The following NEGR1 variants were observed in gnomAD, a reference collection of about 807,000 sequenced individuals.
The protein encoded by NEGR1 is neuronal growth regulator 1.
NEGR1 carries 10 observed loss-of-function variants against 40.9 expected under a neutral mutation model. The observed-to-expected ratio is 0.24, with a 90% CI of 0.15 to 0.42. The LOEUF is 0.42. Ranked by LOEUF, NEGR1 falls within the 10% of genes least tolerant of loss-of-function variation. The pLI is 1.00. For missense variants in NEGR1, 352 were observed against 438.9 expected, an observed-to-expected ratio of 0.80 and a Z score of 1.77; for synonymous variants, 185 against 166.8, an observed-to-expected ratio of 1.11 and a Z score of -0.84.
chr1:71,425,562 G>C (rs975585137), intron 6 of NEGR1, among the ~76,000 whole-genome samples: 4 of 152,046 alleles, frequency 2.6e-5, no homozygotes, highest in Admixed American at 1.3e-4. Flanking sequence ...GCTGAGCCCT[G>C]AATGAGATAA....
At chr1:71,473,947 G>T (rs1646801248) in intron 6 of NEGR1, among the ~76,000 whole-genome samples, 1 of 151,964 alleles carries the variant, frequency 6.6e-6, no homozygotes, top group Non-Finnish European at 1.5e-5. Context: ...GCTGGAAATA[G>T]ATGTCTTGCC....
chr1:71,781,520 T>A (rs1432856423), intron 2 of NEGR1, among the ~76,000 whole-genome samples: 1 of 152,166 alleles, frequency 6.6e-6, no homozygotes, highest in Non-Finnish European at 1.5e-5. Flanking sequence ...CCACAGTGCA[T>A]ACAAATCCAT....
At chr1:71,424,685 T>C (rs575897931) in intron 6 of NEGR1, among the ~76,000 whole-genome samples, 1 of 152,310 alleles carries the variant, frequency 6.6e-6, no homozygotes, top group South Asian at 2.1e-4. Flanking sequence ...TTGCTGTTGC[T>C]GGCTTCAAAA....
intron 1 of NEGR1, among the ~76,000 whole-genome samples, chr1:72,021,304 C>A (rs545611578): frequency 2.0e-5 from 3 of 152,086 alleles, no homozygotes; most frequent in South Asian, 4.1e-4. Flanking sequence ...AAATTATAAT[C>A]ATATTATATC....
chr1:71,882,376 T>G (rs1660605260), intron 2 of NEGR1, among the ~76,000 whole-genome samples: 1 of 152,106 alleles, frequency 6.6e-6, no homozygotes, highest in Non-Finnish European at 1.5e-5. Context: ...TTATAGCATC[T>G]TAGGGAGTTA....
intron 6 of NEGR1, among the ~76,000 whole-genome samples, chr1:71,465,672 C>G (rs1390268475): frequency 6.6e-6 from 1 of 151,948 alleles, no homozygotes; most frequent in Admixed American, 6.6e-5. Flanking sequence ...AGCTTTCTTA[C>G]TGGAGTGATG....
chr1:71,935,648 T>C (rs2100231958), intron 1 of NEGR1, among the ~76,000 whole-genome samples: 1 of 152,258 alleles, frequency 6.6e-6, no homozygotes, highest in Admixed American at 6.5e-5. Context: ...TTACACAATT[T>C]TCTGCATTAA....
chr1:71,532,447 T>C (rs1344567801), intron 6 of NEGR1, among the ~76,000 whole-genome samples: 1 of 151,578 alleles, frequency 6.6e-6, no homozygotes, highest in African/African-American at 2.4e-5. Context: ...CCCTAGCTAT[T>C]GTTCCCTTTA....
chr1:71,849,214 A>G (rs553949427), intron 2 of NEGR1, among the ~76,000 whole-genome samples: 1 of 152,342 alleles, frequency 6.6e-6, no homozygotes, highest in Admixed American at 6.5e-5. Context: ...TTTAGATGTC[A>G]TTAAGGGCAT....
At chr1:71,899,685 C>A (rs954940993) in intron 2 of NEGR1, among the ~76,000 whole-genome samples, 1 of 152,070 alleles carries the variant, frequency 6.6e-6, no homozygotes, top group African/African-American at 2.4e-5. Flanking sequence ...ATTACATTTG[C>A]AATTTCTTTA....
chr1:72,118,037 C>T (rs559324581), intron 1 of NEGR1, among the ~76,000 whole-genome samples: 1 of 151,948 alleles, frequency 6.6e-6, no homozygotes, highest in African/African-American at 2.4e-5. Flanking sequence ...GGGCAAGAAA[C>T]TACTGTGTTC....
At chr1:71,412,987 G>T (rs1257500347) in intron 6 of NEGR1, among the ~76,000 whole-genome samples, 3 of 151,436 alleles carry the variant, frequency 2.0e-5, no homozygotes, top group Non-Finnish European at 4.4e-5. Context: ...TCTTAGTAAA[G>T]CTAAGACATT....
chr1:71,501,126 A>G (rs574987904), intron 6 of NEGR1, among the ~76,000 whole-genome samples: 2 of 152,236 alleles, frequency 1.3e-5, no homozygotes, highest in East Asian at 3.9e-4. Flanking sequence ...CAGATTGTCA[A>G]TGTATCTATT....
intron 6 of NEGR1, among the ~76,000 whole-genome samples, chr1:71,589,901 T>C (rs150568576): frequency 1.8e-4 from 28 of 152,236 alleles, no homozygotes; most frequent in African/African-American, 6.7e-4. Context: ...TCATTTCAAC[T>C]CTCTCATCTT....
chr1:71,680,797 G>T (rs185439515), intron 4 of NEGR1, among the ~76,000 whole-genome samples: 248 of 152,210 alleles, frequency 1.6e-3, no homozygotes, highest in Non-Finnish European at 3.0e-3. Flanking sequence ...ATTAAAGTTT[G>T]CTCATTTATT....
At chr1:71,628,111 TG>T (rs1336996088) in intron 4 of NEGR1, among the ~76,000 whole-genome samples, 22 of 152,074 alleles carry the variant, frequency 1.4e-4, no homozygotes, top group African/African-American at 5.3e-4. Flanking sequence ...TATTTTTATA[TG>T]TCATCTACTC....
intron 1 of NEGR1, among the ~76,000 whole-genome samples, chr1:72,102,493 T>C (rs1238089537): frequency 2.0e-5 from 3 of 152,034 alleles, no homozygotes; most frequent in Admixed American, 6.6e-5. Context: ...TGGGAGAAAA[T>C]AGCATTTAAA....
Position 71,819,037 on chromosome 1 carries a change from A to T in NEGR1, c.410-42740T>A, listed in dbSNP as rs566955727. On this transcript the variant is annotated intron_variant, in intron 2 of 6. Coordinates refer to ENST00000357731, the MANE Select transcript of NEGR1 (RefSeq NM_173808.3). ...GAAGCCAGTGGGCCTTTTATATTTT[A>T]TACAAAGAAGTCAGCATCTGTTCTA... Among the ~76,000 whole-genome samples the T allele has an allele frequency of 3.9e-5, 6 of 152,132 alleles. No individual in the cohort carries two copies. In the South Asian group the frequency reaches 1.2e-3, roughly 32 times the overall value.
intron 6 of NEGR1, among the ~76,000 whole-genome samples, chr1:71,567,378 A>T (rs1397963672): frequency 6.6e-6 from 1 of 152,170 alleles, no homozygotes; most frequent in Non-Finnish European, 1.5e-5. Context: ...CTCTTCTAAA[A>T]ATAATATTTC....
Sources: allele counts gnomAD v4.1 joint callset (sites outside exome capture counted in the v4.1 genomes callset), GRCh38; gene constraint gnomAD v4.1.1; transcripts MANE v1.5; gene names NCBI Gene and HGNC (gene_info 2026-07-23, HGNC 2026-07-21).